Variants in CCDC88A observed in about 807,000 individuals in gnomAD.
The protein encoded by CCDC88A is coiled-coil and HOOK domain protein 88A.
Under a neutral mutation model 234.3 loss-of-function variants are expected in CCDC88A, and 54 were observed. The observed-to-expected ratio is 0.23, with a 90% CI of 0.19 to 0.29. CCDC88A has a LOEUF of 0.29. Among genes scored for constraint, CCDC88A ranks in the 10% least tolerant of loss-of-function variants. CCDC88A has a pLI of 1.00. For synonymous variants in CCDC88A, 753 were observed against 737.8 expected, an observed-to-expected ratio of 1.02 and a Z score of -0.33; for missense variants, 1,832 against 2,123.4, an observed-to-expected ratio of 0.86 and a Z score of 2.70.
At chr2:55,366,653 T>C (rs1672017804) in intron 5 of CCDC88A, among the ~76,000 whole-genome samples, 1 of 151,956 alleles carries the variant, frequency 6.6e-6, no homozygotes, top group South Asian at 2.1e-4. Flanking sequence ...GGGAGAGATA[T>C]GCATAAACCC....
chr2:55,353,489 T>C (rs926295019), intron 8 of CCDC88A, among the ~76,000 whole-genome samples: 1 of 152,180 alleles, frequency 6.6e-6, no homozygotes, highest in Non-Finnish European at 1.5e-5. Flanking sequence ...TGTTATTTTT[T>C]ATTTTCAAAT....
At chr2:55,343,934 A>G (rs775875292) in intron 11 of CCDC88A, 142 bp from the exon 12 acceptor site, 171 of 641,922 alleles carry the variant, frequency 2.7e-4, no homozygotes, top group Non-Finnish European at 3.8e-4. Context: ...TTTTGAAGGC[A>G]ATTATAATTA....
Position 55,332,667 on chromosome 2 carries a change from G to T in CCDC88A, c.2754C>A (p.Thr918=). ...TTTCGAGATCATTGTTCATCTGTTG[G>T]GTCTTCAACTTTTCACTCACCAAAT... ...REDLVSEKLK[T]QQMNNDLEKL... Residue 918 remains threonine (T), a synonymous_variant, in exon 16 of 33, where the codon ACC becomes ACA. Coordinates refer to ENST00000436346, the MANE Select transcript of CCDC88A (RefSeq NM_001365480.1). The surrounding 1 kb of genome is among the most constrained non-coding windows in gnomAD (Gnocchi z 4.5). The T allele has an allele frequency of 6.2e-7, 1 of 1,613,132 alleles. No individual in the cohort carries two copies. The highest frequency in any genetic ancestry group is 8.5e-7 in the Non-Finnish European group (1 of 1,179,612).
intron 5 of CCDC88A, 125 bp from the exon 6 acceptor site, chr2:55,364,158 A>AT (rs1671669309): frequency 1.2e-5 from 6 of 508,784 alleles, no homozygotes; most frequent in Non-Finnish European, 2.1e-5. Context: ...TTTGTTTTGC[A>AT]TTTAAATTGT....
At chr2:55,364,987 T>G (rs1671767397) in intron 5 of CCDC88A, among the ~76,000 whole-genome samples, 1 of 152,156 alleles carries the variant, frequency 6.6e-6, no homozygotes, top group African/African-American at 2.4e-5. Flanking sequence ...AAACTAGCTC[T>G]TTGATCATGA....
intron 3 of CCDC88A, among the ~76,000 whole-genome samples, chr2:55,381,966 AC>A (rs1429664376): frequency 1.3e-5 from 2 of 152,250 alleles, no homozygotes; most frequent in Non-Finnish European, 2.9e-5. Flanking sequence ...CATTTATCAT[AC>A]TATTACATAT....
At chr2:55,403,069 T>A (rs1200067958) in intron 2 of CCDC88A, among the ~76,000 whole-genome samples, 1 of 152,128 alleles carries the variant, frequency 6.6e-6, no homozygotes, top group Non-Finnish European at 1.5e-5. Context: ...TCTTTAAATA[T>A]TGAGTAGCTG....
Position 55,377,993 on chromosome 2 carries a change from T to C in CCDC88A, c.274-3110A>G, listed in dbSNP as rs75996776. The stretch of plus-strand genomic sequence containing the variant: ...AGATAAAACTCATTTACGTCACTTA[T>C]TTTTGACTAACGAGTCAAAATTGAT... On this transcript the variant is annotated intron_variant, in intron 3 of 32. Coordinates refer to ENST00000436346, the MANE Select transcript of CCDC88A (RefSeq NM_001365480.1). Among the ~76,000 whole-genome samples the C allele has an allele frequency of 3.0e-3, 450 of 152,346 alleles. 1 individual carries two copies. Among genetic ancestry groups the C allele is most frequent in the Non-Finnish European group, 4.6e-3 (315 of 68,026 alleles).
chr2:55,399,788 G>C (rs1678298637), intron 2 of CCDC88A: 5 of 152,104 alleles, frequency 3.3e-5, no homozygotes, highest in Admixed American at 2.6e-4. Context: ...TCGATGTCAG[G>C]AATTCAGAGT....
intron 17 of CCDC88A, among the ~76,000 whole-genome samples, chr2:55,326,762 G>C (rs987994917): frequency 6.6e-6 from 1 of 152,090 alleles, no homozygotes; most frequent in Non-Finnish European, 1.5e-5. Flanking sequence ...GTAGAGACAG[G>C]GTTTCACCAT....
At chr2:55,416,288 T>G (rs7425220) in intron 2 of CCDC88A, among the ~76,000 whole-genome samples, 75,784 of 149,340 alleles carry the variant, frequency 0.51, 21,158 homozygotes, top group Admixed American at 0.63. Flanking sequence ...ATTAATAAAT[T>G]TGGAGACATC....
chr2:55,339,690 G>C lies in CCDC88A; in HGVS notation c.1334-42C>G. Reference sequence around the variant, plus strand: ...TACACCATTGTATTTACTCTTTACTGTTTTTACTATGTTTACTCTTTACTA... The same window carrying C: ...TACACCATTGTATTTACTCTTTACTCTTTTTACTATGTTTACTCTTTACTA... On this transcript the variant is annotated intron_variant, in intron 12 of 32. Coordinates refer to ENST00000436346, the MANE Select transcript of CCDC88A (RefSeq NM_001365480.1). 2.6e-6 allele frequency: 4 copies of C among 1,528,598 alleles called. 1 individual carries two copies. The South Asian group carries it at 5.1e-5, about 20-fold the overall frequency. 94.7% of individuals were successfully genotyped at this position (1,528,598 alleles called of 1,614,324 possible). A position where few individuals can be genotyped will look rare whatever the true frequency, so the allele number is the denominator to read the frequency against.
chr2:55,296,135 T>C, intron 30 of CCDC88A, 79 bp from the exon 31 acceptor site: 1 of 1,328,772 alleles, frequency 7.5e-7, no homozygotes, highest in Non-Finnish European at 1.0e-6. Flanking sequence ...GACTGTGCAA[T>C]ATAAAATTGT....
chr2:55,300,369 A>T (rs1680747564), intron 28 of CCDC88A: 1 of 157,696 alleles, frequency 6.3e-6, no homozygotes, highest in Admixed American at 6.1e-5. Flanking sequence ...CAACTGTATA[A>T]TTAACACTGC....
rs545525910 is a variant in CCDC88A at position 55,333,451 on chromosome 2, T to C, written c.2727+643A>G. ...TACTAGTTGCTCAGTGTTGAATGGT[T>C]GAACCTGATTTGCATTCTCTGGCTT... On this transcript the variant is annotated intron_variant, in intron 15 of 32. Coordinates refer to ENST00000436346, the MANE Select transcript of CCDC88A (RefSeq NM_001365480.1). Among the ~76,000 whole-genome samples the C allele has an allele frequency of 1.3e-4, 20 of 152,286 alleles. No homozygotes were observed. In the South Asian group the frequency reaches 3.9e-3, roughly 30 times the overall value.
intron 31 of CCDC88A, chr2:55,295,018 C>G: frequency 8.3e-7 from 1 of 1,206,960 alleles, no homozygotes; most frequent in South Asian, 1.6e-5. Context: ...ATTAGAGAAG[C>G]AGTGTATATC....
intron 25 of CCDC88A, chr2:55,308,518 G>C (rs1374235648): frequency 6.0e-5 from 19 of 315,150 alleles, no homozygotes; most frequent in Admixed American, 1.4e-4. Context: ...AAAGGTAAAA[G>C]GCTTGCCCAT....
At position 55,373,268 on chromosome 2, in the gene CCDC88A, A is replaced by C. The variant is rs967790309; in HGVS notation, c.344-758T>G. Among the ~76,000 whole-genome samples, 4 of 152,264 alleles carry C rather than the reference A, an allele frequency of 2.6e-5. No homozygotes were observed. In the East Asian group the frequency reaches 7.7e-4, roughly 29 times the overall value. On this transcript the variant is annotated intron_variant, in intron 4 of 32. Coordinates refer to ENST00000436346, the MANE Select transcript of CCDC88A (RefSeq NM_001365480.1). ...AACAACCTACTTTCTAGCTATGCTG[A>C]GCCATTAATCACCATTCTTCCCAAA...
chr2:55,385,839 T>G (rs1260440609), intron 3 of CCDC88A, among the ~76,000 whole-genome samples: 2 of 84,360 alleles, frequency 2.4e-5, no homozygotes, highest in South Asian at 8.2e-4. Flanking sequence ...GGTAACAGAG[T>G]GAAACTCCAT....
Sources: allele counts gnomAD v4.1 joint callset (sites outside exome capture counted in the v4.1 genomes callset), GRCh38; gene constraint gnomAD v4.1.1; non-coding constraint Gnocchi (gnomAD v3.1); transcripts MANE v1.5; gene names NCBI Gene and HGNC (gene_info 2026-07-23, HGNC 2026-07-21).